The following MAGT1 variants were observed in gnomAD, a reference collection of about 807,000 sequenced individuals.
MAGT1 encodes the protein dolichyl-diphosphooligosaccharide--protein glycosyltransferase subunit MAGT1.
MAGT1 carries 4 observed loss-of-function variants against 28.4 expected under a neutral mutation model. The observed-to-expected ratio is 0.14, with a 90% confidence interval of 0.07 to 0.32. The LOEUF (loss-of-function observed/expected upper bound fraction) is 0.32. Among genes scored for constraint, MAGT1 ranks in the 10% least tolerant of loss-of-function variants. MAGT1 has a pLI of 1.00. For missense variants in MAGT1, 193 were observed against 264.5 expected (o/e 0.73, Z 1.88); for synonymous variants, 89 against 89.7 (o/e 0.99, Z 0.04).
intron 2 of MAGT1, among the ~76,000 whole-genome samples, chrX:77,875,029 AT>A (rs1247437667): frequency 1.8e-3 from 180 of 99,496 alleles, no homozygotes; most frequent in Admixed American, 1.9e-3. Flanking sequence ...TAATTTTTGT[AT>A]TTTTTTTTTT....
chrX:77,855,691 G>A, intron 5 of MAGT1, 101 bp from the exon 6 acceptor site: 1 of 584,461 alleles, frequency 1.7e-6, no homozygotes, highest in Non-Finnish European at 2.7e-6. Flanking sequence ...TTAAGACATA[G>A]AATTTTTTGC....
At chrX:77,894,894 C>T (rs1001519279) in intron 1 of MAGT1, among the ~76,000 whole-genome samples, 5 of 112,007 alleles carry the variant, frequency 4.5e-5, no homozygotes, top group Non-Finnish European at 7.5e-5. Context: ...AACTCTCACA[C>T]TCCTGAAATG....
intron 3 of MAGT1, among the ~76,000 whole-genome samples, chrX:77,860,336 C>T (rs1557216373): frequency 3.6e-5 from 4 of 110,675 alleles, no homozygotes; most frequent in Non-Finnish European, 1.9e-5. Flanking sequence ...GATCCGCCTG[C>T]CTCAGCCTCC....
At chrX:77,881,454 C>T (rs1276701367) in intron 1 of MAGT1, among the ~76,000 whole-genome samples, 1 of 94,719 alleles carries the variant, frequency 1.1e-5, no homozygotes, top group South Asian at 6.5e-4. Context: ...GTGATGTTCC[C>T]CTTCCTGGGT....
chrX:77,886,961 G>A lies in MAGT1; in HGVS notation c.102+8348C>T, dbSNP rs937596651. 1.2e-4 allele frequency among the ~76,000 whole-genome samples: 13 copies of A among 111,951 alleles called. No homozygotes were observed. The Admixed American group carries it at 1.2e-3, about 11-fold the overall frequency. Reference sequence around the variant, plus strand: ...AACCAACCCGTGATCCTCCTGGAACGGTTGAAGAATGTGATATTCTACTTA... The same window carrying A: ...AACCAACCCGTGATCCTCCTGGAACAGTTGAAGAATGTGATATTCTACTTA... On this transcript the variant is annotated intron_variant, in intron 1 of 9. Transcript: ENST00000618282.
intron 1 of MAGT1, among the ~76,000 whole-genome samples, chrX:77,876,563 CA>C (rs2077035535): frequency 9.1e-6 from 1 of 110,334 alleles, no homozygotes; most frequent in African/African-American, 3.3e-5. Flanking sequence ...AACAACAGAA[CA>C]AAAAAACAAC....
chrX:77,850,304 T>A (rs184483523), intron 7 of MAGT1, among the ~76,000 whole-genome samples: 1,176 of 109,574 alleles, frequency 0.011, 12 homozygotes, highest in East Asian at 0.021. Flanking sequence ...GGTGAAACCC[T>A]GTCTCTACTA....
At chrX:77,876,175 T>A (rs1390291034) in intron 1 of MAGT1, among the ~76,000 whole-genome samples, 10 of 81,372 alleles carry the variant, frequency 1.2e-4, no homozygotes, top group African/African-American at 4.7e-4. Context: ...TTTTTTTTTT[T>A]TTTTTTTTTT....
chrX:77,891,476 G>C (rs1402991103), intron 1 of MAGT1, among the ~76,000 whole-genome samples: 2 of 111,165 alleles, frequency 1.8e-5, no homozygotes, highest in African/African-American at 6.6e-5. Context: ...AAAGTTCTGG[G>C]ATTATAGGCA....
intron 3 of MAGT1, among the ~76,000 whole-genome samples, chrX:77,865,435 G>A (rs782155008): frequency 1.7e-3 from 181 of 109,325 alleles, no homozygotes; most frequent in African/African-American, 4.8e-3. Context: ...GACTACAGGC[G>A]CACACCACCA....
chrX:77,881,238 T>C (rs1161673696), intron 1 of MAGT1, among the ~76,000 whole-genome samples: 1 of 111,357 alleles, frequency 9.0e-6, no homozygotes, highest in Non-Finnish European at 1.9e-5. Context: ...GAAGCAATCA[T>C]TAATTTTTGC....
intron 1 of MAGT1, 22 bp downstream of exon 1, chrX:77,895,287 C>T: frequency 1.1e-5 from 13 of 1,209,253 alleles, no homozygotes; most frequent in Non-Finnish European, 1.5e-5. Context: ...AAAGCCCATG[C>T]TGCTGGAAAC....
chrX:77,830,313 C>A (rs1557213247), intron 9 of MAGT1, among the ~76,000 whole-genome samples: 2 of 111,684 alleles, frequency 1.8e-5, no homozygotes, highest in Non-Finnish European at 3.8e-5. Context: ...CAGAGTGAGA[C>A]CCTGTCTCTG....
At chrX:77,850,143 A>T (rs2076963228) in intron 7 of MAGT1, among the ~76,000 whole-genome samples, 2 of 110,877 alleles carry the variant, frequency 1.8e-5, no homozygotes, top group Admixed American at 1.9e-4. Flanking sequence ...TGGAAGCTGT[A>T]AACAATGTTA....
chrX:77,878,514 G>A (rs1472967644), intron 1 of MAGT1, among the ~76,000 whole-genome samples: 2 of 101,351 alleles, frequency 2.0e-5, no homozygotes, highest in African/African-American at 3.5e-5. Flanking sequence ...AAAGCCAGGC[G>A]CAGTGGCTCA....
chrX:77,850,902 C>A (rs2076965810), intron 7 of MAGT1, among the ~76,000 whole-genome samples: 1 of 111,390 alleles, frequency 9.0e-6, no homozygotes, highest in South Asian at 3.7e-4. Flanking sequence ...AGAACTGATT[C>A]AAGATACTGA....
At chrX:77,889,790 A>G (rs1039339901) in intron 1 of MAGT1, among the ~76,000 whole-genome samples, 4 of 112,025 alleles carry the variant, frequency 3.6e-5, no homozygotes, top group Non-Finnish European at 7.5e-5. Context: ...TGTGTTACAA[A>G]CAATCCTATT....
intron 1 of MAGT1, among the ~76,000 whole-genome samples, chrX:77,881,428 C>T (rs1429025667): frequency 2.4e-5 from 2 of 83,307 alleles, no homozygotes; most frequent in Admixed American, 1.5e-4. Flanking sequence ...CCCCACCCCA[C>T]AACAGGCCCC....
At chrX:77,870,698 C>A in intron 3 of MAGT1, 110 bp downstream of exon 3, 1 of 566,289 alleles carries the variant, frequency 1.8e-6, no homozygotes, top group Non-Finnish European at 3.0e-6. Flanking sequence ...TACTCTAGAT[C>A]TTACATAAGA....
Sources: gnomAD v4.1 joint callset for allele counts (sites outside exome capture counted in the v4.1 genomes callset) on GRCh38, gnomAD v4.1.1 for gene constraint, MANE v1.5 for transcripts, NCBI Gene and HGNC (gene_info 2026-07-23, HGNC 2026-07-21) for gene names.